The following SORCS2 variants were observed in gnomAD, a reference collection of about 807,000 sequenced individuals.
SORCS2 encodes sortilin related VPS10 domain containing receptor 2, also known as VPS10 domain-containing receptor SorCS2.
Under a neutral mutation model 141.6 loss-of-function variants are expected in SORCS2, and 100 were observed. The ratio of observed to expected loss-of-function variants is 0.71; its 90% confidence interval spans 0.60 to 0.83. SORCS2 has a LOEUF of 0.83. Among genes scored for constraint, SORCS2 ranks in the 40% least tolerant of loss-of-function variants. SORCS2 has a pLI of 0.00. For synonymous variants in SORCS2, 789 were observed against 676.9 expected, an observed-to-expected ratio of 1.17 and a Z score of -2.57; for missense variants, 1,646 against 1,560.2, an observed-to-expected ratio of 1.05 and a Z score of -0.93.
In SORCS2 at chr4:7,648,188, AGAGGAGGAG is replaced by A. The variant is rs56241745; in HGVS notation, c.814-5928_814-5920del. On this transcript the variant is annotated intron_variant, in intron 4 of 26. Transcript: ENST00000507866. This position sits in a 1 kb window ranked among gnomAD's most constrained non-coding sequence, Gnocchi z 4.2. The stretch of plus-strand genomic sequence containing the variant: ...GAGGGAGGCCATTTACTGAGACCGC[AGAGGAGGAG>A]GAGGAGGAGGAGGAGGAAGACACGG... 6.7e-6 allele frequency among the ~76,000 whole-genome samples: 1 copy of A among 150,342 alleles called. No individual in the cohort carries two copies. The highest frequency in any genetic ancestry group is 2.5e-5 in the African/African-American group (1 of 40,714).
At chr4:7,717,118 A>G (rs1391083413) in intron 17 of SORCS2, among the ~76,000 whole-genome samples, 1 of 151,992 alleles carries the variant, frequency 6.6e-6, no homozygotes, top group Non-Finnish European at 1.5e-5. Context: ...GGATGAGGCC[A>G]CCCCTTTTAG....
intron 1 of SORCS2, among the ~76,000 whole-genome samples, chr4:7,244,597 G>A (rs1712951970): frequency 6.6e-6 from 1 of 152,212 alleles, no homozygotes; most frequent in Non-Finnish European, 1.5e-5. Flanking sequence ...CCTTGGCACT[G>A]CACCCCTGGT....
At chr4:7,419,550 G>C (rs1298758145) in intron 2 of SORCS2, among the ~76,000 whole-genome samples, 1 of 152,236 alleles carries the variant, frequency 6.6e-6, no homozygotes, top group Non-Finnish European at 1.5e-5. Context: ...TATTTGCAAA[G>C]CGTTGCAATA....
At chr4:7,394,549 G>T (rs2109108655) in intron 1 of SORCS2, among the ~76,000 whole-genome samples, 1 of 141,386 alleles carries the variant, frequency 7.1e-6, no homozygotes, top group South Asian at 2.5e-4. Context: ...ATCCCAGGGT[G>T]AGGAACGCCT....
At chr4:7,530,305 C>T (rs1018733048) in intron 2 of SORCS2, among the ~76,000 whole-genome samples, 1 of 152,226 alleles carries the variant, frequency 6.6e-6, no homozygotes, top group South Asian at 2.1e-4. Context: ...CAGTGCAGGC[C>T]GGGCTCAGAG....
intron 2 of SORCS2, among the ~76,000 whole-genome samples, chr4:7,438,670 C>G (rs563783440): frequency 1.3e-5 from 2 of 151,976 alleles, no homozygotes; most frequent in East Asian, 3.9e-4. Flanking sequence ...CTTCCTTCCT[C>G]TTTCCTTTTT....
intron 1 of SORCS2, among the ~76,000 whole-genome samples, chr4:7,206,166 A>AGTCCTGTCCCCTCTGCC: frequency 6.6e-6 from 1 of 152,278 alleles, no homozygotes; most frequent in African/African-American, 2.4e-5. Flanking sequence ...ATCCCTCTGC[A>AGTCCTGTCCCCTCTGCC]GTCCTGTCCC....
chr4:7,676,904 CT>C (rs1723186011), intron 9 of SORCS2, among the ~76,000 whole-genome samples: 1 of 8,278 alleles, frequency 1.2e-4, no homozygotes, highest in Admixed American at 1.2e-3. Context: ...CTCTCTCTCT[CT>C]CCCTCTCTCC....
rs540560972 is a variant in SORCS2, at chr4:7,738,873, C to T, written c.3416-1327C>T. Among the ~76,000 whole-genome samples, 73 of 152,288 alleles carry T rather than the reference C, an allele frequency of 4.8e-4. No individual in the cohort carries two copies. In the East Asian group the frequency reaches 0.012, roughly 25 times the overall value. On this transcript the variant is annotated intron_variant, in intron 26 of 26. Transcript: ENST00000507866. The stretch of plus-strand genomic sequence containing the variant: ...CCACGGTCCCTCTCTGCCTCCCCTG[C>T]GCGCTCTCCAGCCCCTCACCAGGCC...
chr4:7,381,083 A>C (rs887298088), intron 1 of SORCS2, among the ~76,000 whole-genome samples: 2 of 57,372 alleles, frequency 3.5e-5, no homozygotes, highest in Admixed American at 2.4e-4. Flanking sequence ...CTCTGTCTCC[A>C]AAAAAAAAAA....
chr4:7,724,147 C>CGTG lies in SORCS2; in HGVS notation c.2611+277_2611+279dup, dbSNP rs1184606330. 4.3e-3 allele frequency among the ~76,000 whole-genome samples: 481 copies of CGTG among 110,594 alleles called. 4 individuals carry two copies. Among genetic ancestry groups the CGTG allele is most frequent in the African/African-American group, 0.017 (449 of 25,802 alleles). The allele number at this position is 110,594 out of a possible 152,430, so 72.6% of individuals were successfully genotyped here. On this transcript the variant is annotated intron_variant, in intron 19 of 26. Coordinates refer to ENST00000507866, the MANE Select transcript of SORCS2 (RefSeq NM_020777.3). ...TGGTGGTGGTGGTGGTGGTGATGGT[C>CGTG]GTGGTGGTGGTGGTGATGGTGGTGA...
chr4:7,566,731 T>A (rs968612367), intron 3 of SORCS2, among the ~76,000 whole-genome samples: 1 of 152,232 alleles, frequency 6.6e-6, no homozygotes, highest in Non-Finnish European at 1.5e-5. Context: ...GCCAACTGGC[T>A]AGAGCTAGTC....
chr4:7,326,805 C>T lies in SORCS2; in HGVS notation c.481-69483C>T, dbSNP rs571704250. 3.7e-4 allele frequency among the ~76,000 whole-genome samples: 56 copies of T among 152,326 alleles called. No homozygotes were observed. The East Asian group carries it at 5.2e-3, about 14-fold the overall frequency. On this transcript the variant is annotated intron_variant, in intron 1 of 26. Coordinates refer to ENST00000507866, the MANE Select transcript of SORCS2 (RefSeq NM_020777.3). ...GCCAAGCTTCCGCAGGCCCAGTGTC[C>T]GGGGCAGGAAGCGCTGCCGGCCGGA...
intron 1 of SORCS2, among the ~76,000 whole-genome samples, chr4:7,262,375 TATCC>T (rs61111993): frequency 0.23 from 31,782 of 136,702 alleles, 3,694 homozygotes; most frequent in Admixed American, 0.25. Context: ...CCTATCCATC[TATCC>T]ATCCATCCAT....
intron 1 of SORCS2, among the ~76,000 whole-genome samples, chr4:7,264,645 A>G (rs570458569): frequency 6.6e-6 from 1 of 152,280 alleles, no homozygotes; most frequent in South Asian, 2.1e-4. Context: ...TTCTCCTGTG[A>G]TTGAAACTAG....
intron 2 of SORCS2, among the ~76,000 whole-genome samples, chr4:7,435,373 C>G (rs144033289): frequency 2.5e-3 from 382 of 152,336 alleles, no homozygotes; most frequent in African/African-American, 9.0e-3. Flanking sequence ...ATCGAGTGTT[C>G]CCAATGACTG....
chr4:7,195,407 T>TGTGGTGTGTGTGGTGAGTAGTGAG (rs1453263515), intron 1 of SORCS2, among the ~76,000 whole-genome samples: 6 of 152,098 alleles, frequency 3.9e-5, no homozygotes, highest in Non-Finnish European at 1.5e-5. Flanking sequence ...TTGTGAGTAG[T>TGTGGTGTGTGTGGTGAGTAGTGAG]GGGTGTGGGT....
chr4:7,322,764 G>C (rs973453678), intron 1 of SORCS2, among the ~76,000 whole-genome samples: 1 of 152,166 alleles, frequency 6.6e-6, no homozygotes, highest in Non-Finnish European at 1.5e-5. Flanking sequence ...GGATTCAAAT[G>C]GGGGAGGACC....
chr4:7,221,719 A>G (rs1269702949), intron 1 of SORCS2, among the ~76,000 whole-genome samples: 3 of 152,262 alleles, frequency 2.0e-5, no homozygotes, highest in African/African-American at 2.4e-5. Flanking sequence ...CTCATCTTCC[A>G]GAGCTGCTGG....
Sources: gnomAD v4.1 joint callset for allele counts (sites outside exome capture counted in the v4.1 genomes callset) on GRCh38, gnomAD v4.1.1 for gene constraint, Gnocchi (gnomAD v3.1) non-coding constraint, MANE v1.5 for transcripts, NCBI Gene and HGNC (gene_info 2026-07-23, HGNC 2026-07-21) for gene names.